Variants in DLG2 observed in about 807,000 individuals in gnomAD.
The protein encoded by DLG2 is disks large homolog 2.
DLG2 carries 45 observed loss-of-function variants against 132.5 expected under a neutral mutation model. The ratio of observed to expected loss-of-function variants is 0.34; its 90% confidence interval spans 0.27 to 0.44. DLG2 has a LOEUF of 0.44. Among genes scored for constraint, DLG2 ranks in the 20% least tolerant of loss-of-function variants. The pLI is 1.00. For missense variants in DLG2, 1,045 were observed against 1,196.9 expected (o/e 0.87, Z 1.87); for synonymous variants, 424 against 419.6 (o/e 1.01, Z -0.13).
At chr11:85,603,865 C>T (rs1367850319) in intron 2 of DLG2, among the ~76,000 whole-genome samples, 1 of 152,054 alleles carries the variant, frequency 6.6e-6, no homozygotes, top group Non-Finnish European at 1.5e-5. Context: ...TTCAGTGGGC[C>T]ACCATCCTGC....
intron 6 of DLG2, among the ~76,000 whole-genome samples, chr11:85,101,690 C>T (rs1487308728): frequency 6.6e-6 from 1 of 152,010 alleles, no homozygotes; most frequent in Non-Finnish European, 1.5e-5. Flanking sequence ...CTATTAGTAG[C>T]TTTGTACAAA....
At chr11:84,885,633 A>T (rs1211683064) in intron 6 of DLG2, among the ~76,000 whole-genome samples, 1 of 152,144 alleles carries the variant, frequency 6.6e-6, no homozygotes, top group Admixed American at 6.6e-5. Context: ...TTCAGTTTTC[A>T]TACCTGCAAA....
intron 3 of DLG2, among the ~76,000 whole-genome samples, chr11:85,501,829 A>G (rs2093811635): frequency 1.3e-5 from 2 of 152,196 alleles, no homozygotes; most frequent in Non-Finnish European, 2.9e-5. Flanking sequence ...GGGAGTATAA[A>G]TTAGTTCAAC....
intron 4 of DLG2, among the ~76,000 whole-genome samples, chr11:85,213,199 A>G (rs1036781825): frequency 6.6e-6 from 1 of 152,136 alleles, no homozygotes; most frequent in Non-Finnish European, 1.5e-5. Flanking sequence ...ATTCTCTAAA[A>G]TATTTGAAGA....
intron 3 of DLG2, among the ~76,000 whole-genome samples, chr11:85,412,477 G>A (rs2089401287): frequency 1.3e-5 from 2 of 151,734 alleles, no homozygotes; most frequent in South Asian, 4.2e-4. Flanking sequence ...CACCTGGGCA[G>A]TATACACTGC....
intron 7 of DLG2, among the ~76,000 whole-genome samples, chr11:84,468,353 G>T (rs2099099997): frequency 6.6e-6 from 1 of 151,384 alleles, no homozygotes. Context: ...CCCAGAGGAA[G>T]AAAGGAATGC....
chr11:83,547,896 A>G lies in DLG2; in HGVS notation c.1941-6038T>C, dbSNP rs142833740. 1.0e-3 allele frequency among the ~76,000 whole-genome samples: 153 copies of G among 152,312 alleles called. 1 individual carries two copies. In the East Asian group the frequency reaches 0.027, roughly 27 times the overall value. On this transcript the variant is annotated intron_variant, in intron 19 of 27. Coordinates refer to ENST00000376104, the MANE Select transcript of DLG2 (RefSeq NM_001142699.3). Reference sequence around the variant, plus strand: ...ATGGCTTTTGAATTGGGAAGTGGACAGAGGCTAGAAGAATGTTGAGGAACA... The same window carrying G: ...ATGGCTTTTGAATTGGGAAGTGGACGGAGGCTAGAAGAATGTTGAGGAACA...
At chr11:84,426,233 G>A (rs1210023083) in intron 7 of DLG2, among the ~76,000 whole-genome samples, 1 of 152,108 alleles carries the variant, frequency 6.6e-6, no homozygotes, top group Non-Finnish European at 1.5e-5. Context: ...TGAGGCCGAA[G>A]TTTGGAATTG....
intron 6 of DLG2, among the ~76,000 whole-genome samples, chr11:84,657,850 C>T (rs142183543): frequency 6.6e-6 from 1 of 152,308 alleles, no homozygotes; most frequent in African/African-American, 2.4e-5. Context: ...TATTGTCTAG[C>T]ATTGCAGCAA....
At chr11:84,273,529 C>T (rs915978497) in intron 7 of DLG2, among the ~76,000 whole-genome samples, 2 of 152,100 alleles carry the variant, frequency 1.3e-5, no homozygotes, top group Non-Finnish European at 2.9e-5. Context: ...CTCCTGTCTT[C>T]ACACGGGTCT....
At chr11:84,148,555 T>G (rs897011684) in intron 9 of DLG2, among the ~76,000 whole-genome samples, 1 of 152,028 alleles carries the variant, frequency 6.6e-6, no homozygotes, top group African/African-American at 2.4e-5. Flanking sequence ...AAGGATATGG[T>G]TTTTTTATGG....
At chr11:84,781,545 A>G (rs2071780752) in intron 6 of DLG2, among the ~76,000 whole-genome samples, 1 of 151,904 alleles carries the variant, frequency 6.6e-6, no homozygotes, top group Non-Finnish European at 1.5e-5. Context: ...AATAATAATA[A>G]TAGAAATTGT....
chr11:84,582,497 C>CAT (rs1202230919), intron 6 of DLG2, among the ~76,000 whole-genome samples: 1 of 147,872 alleles, frequency 6.8e-6, no homozygotes, highest in East Asian at 2.0e-4. Flanking sequence ...AACATACATA[C>CAT]ATATATATAA....
At position 83,713,522 on chromosome 11, in the gene DLG2, C is replaced by T. The variant is rs143683525; in HGVS notation, c.1825+73168G>A. On this transcript the variant is annotated intron_variant, in intron 18 of 27. Transcript: ENST00000376104. ...GCAGCAGGAGGGAAGAATGAGATGA[C>T]GATGAAAACCAGATCATGGAAGGCC... Among the ~76,000 whole-genome samples the T allele has an allele frequency of 4.8e-3, 732 of 152,100 alleles. 7 individuals are homozygous for T. The highest frequency in any genetic ancestry group is 0.017 in the African/African-American group (689 of 41,506).
intron 3 of DLG2, among the ~76,000 whole-genome samples, chr11:85,573,250 G>T (rs1289688959): frequency 1.3e-5 from 2 of 152,100 alleles, no homozygotes; most frequent in Non-Finnish European, 2.9e-5. Context: ...AGCAATGCAA[G>T]AATGGCCTAA....
intron 6 of DLG2, among the ~76,000 whole-genome samples, chr11:84,951,555 A>C (rs533334743): frequency 6.6e-6 from 1 of 151,470 alleles, no homozygotes; most frequent in Admixed American, 6.6e-5. Flanking sequence ...TTTAACTACA[A>C]TAAGTCCTCA....
At chr11:85,054,783 A>G (rs1432970175) in intron 6 of DLG2, among the ~76,000 whole-genome samples, 1 of 152,200 alleles carries the variant, frequency 6.6e-6, no homozygotes, top group Non-Finnish European at 1.5e-5. Flanking sequence ...AATACTGCAT[A>G]TTCTCATTTA....
intron 4 of DLG2, among the ~76,000 whole-genome samples, chr11:85,251,740 C>T (rs1056207390): frequency 3.9e-5 from 6 of 151,938 alleles, no homozygotes; most frequent in African/African-American, 1.2e-4. Flanking sequence ...GCCAGAAAAT[C>T]GAGGAAAATA....
In DLG2 at chr11:84,397,769, A is replaced by C. The variant is rs1021595812; in HGVS notation, c.519+136801T>G. 4.6e-5 allele frequency among the ~76,000 whole-genome samples: 7 copies of C among 152,336 alleles called. No individual in the cohort carries two copies. In the South Asian group the frequency reaches 1.4e-3, roughly 32 times the overall value. The stretch of plus-strand genomic sequence containing the variant: ...TCACATACTGCTTTTTAACCATGAG[A>C]AAGTACATTCATAAAAGCCACTAAT... On this transcript the variant is annotated intron_variant, in intron 7 of 27. Transcript: ENST00000376104.
Sources: gnomAD v4.1 joint callset for allele counts (sites outside exome capture counted in the v4.1 genomes callset) on GRCh38, gnomAD v4.1.1 for gene constraint, MANE v1.5 for transcripts, NCBI Gene and HGNC (gene_info 2026-07-23, HGNC 2026-07-21) for gene names.